Variants in KLF13 observed in about 807,000 individuals in gnomAD.
KLF13 encodes KLF transcription factor 13.
In KLF13, 8 loss-of-function variants were observed where a neutral mutation model predicts 16.7. The observed-to-expected ratio is 0.48, with a 90% CI of 0.28 to 0.87. The LOEUF is 0.87. Among genes scored for constraint, KLF13 ranks in the 40% least tolerant of loss-of-function variants. The pLI is 0.10. For missense variants in KLF13, 447 were observed against 452.2 expected, an observed-to-expected ratio of 0.99 and a Z score of 0.10; for synonymous variants, 245 against 208.4, an observed-to-expected ratio of 1.18 and a Z score of -1.51.
chr15:31,391,866 G>T (rs2039876182), upstream of KLF13, among the ~76,000 whole-genome samples: 1 of 152,142 alleles, frequency 6.6e-6, no homozygotes, highest in Admixed American at 6.5e-5. Flanking sequence ...TAAGTTCCTG[G>T]AATTCGTGAA....
intron 2 of KLF13, among the ~76,000 whole-genome samples, chr15:31,400,122 A>G (rs2040013026): frequency 6.6e-6 from 1 of 152,128 alleles, no homozygotes; most frequent in African/African-American, 2.4e-5. Context: ...CTGCCAGGAG[A>G]CGAGTCCTAC....
At chr15:31,395,387 C>CTA (rs2039940705) in intron 2 of KLF13, among the ~76,000 whole-genome samples, 1 of 152,200 alleles carries the variant, frequency 6.6e-6, no homozygotes, top group South Asian at 2.1e-4. Flanking sequence ...TCCTTAGCTG[C>CTA]TATGAATGCT....
intron 1 of KLF13, among the ~76,000 whole-genome samples, chr15:31,432,177 G>C (rs1443600287): frequency 4.6e-5 from 7 of 152,088 alleles, no homozygotes; most frequent in African/African-American, 1.7e-4. Context: ...TGCTGAAAAA[G>C]GAAGGTTGCT....
intron 2 of KLF13, among the ~76,000 whole-genome samples, chr15:31,402,993 T>C (rs1014265906): frequency 6.6e-6 from 1 of 151,374 alleles, no homozygotes; most frequent in Non-Finnish European, 1.5e-5. Context: ...GCCAGGTCCC[T>C]TGGGGCCCAG....
intron 1 of KLF13, among the ~76,000 whole-genome samples, chr15:31,329,159 G>A (rs2038780640): frequency 1.3e-5 from 2 of 151,898 alleles, no homozygotes; most frequent in Admixed American, 1.3e-4. Flanking sequence ...GGTGAGAGCG[G>A]GGCCATTTCT....
At chr15:31,413,206 A>AAAAAAAAAAAAC (rs1566843740) in intron 1 of KLF13, among the ~76,000 whole-genome samples, 65 of 145,414 alleles carry the variant, frequency 4.5e-4, no homozygotes, top group East Asian at 1.9e-3. Flanking sequence ...AAAAAAACAA[A>AAAAAAAAAAAAC]AAACAAAAAA....
At chr15:31,332,504 T>TC (rs1739215708) in intron 1 of KLF13, among the ~76,000 whole-genome samples, 1 of 151,252 alleles carries the variant, frequency 6.6e-6, no homozygotes, top group African/African-American at 2.5e-5. Context: ...CCATCTCCAC[T>TC]CCCCCCTTCC....
intron 1 of KLF13, among the ~76,000 whole-genome samples, chr15:31,423,101 G>GTATACGTATACGTATATATACGTATA (rs1442634772): frequency 2.6e-5 from 2 of 77,070 alleles, no homozygotes; most frequent in Non-Finnish European, 5.7e-5. Flanking sequence ...GTATATATAC[G>GTATACGTATACGTATATATACGTATA]TATACGTATA....
rs147936063 is a variant in KLF13, at chr15:31,363,242, G to A, written c.578-8768G>A. 1.4e-3 allele frequency among the ~76,000 whole-genome samples: 212 copies of A among 152,370 alleles called. 1 individual carries two copies. The highest frequency in any genetic ancestry group is 0.011 in the South Asian group (55 of 4,824). ...CTGCCATTAGCTCCTGATGGATGAG[G>A]TGGAGCATCTTTTCATGCATTTGAG... On this transcript the variant is annotated intron_variant, in intron 1 of 1. Coordinates refer to ENST00000307145, the MANE Select transcript of KLF13 (RefSeq NM_015995.4).
downstream of KLF13, among the ~76,000 whole-genome samples, chr15:31,381,510 T>G (rs1403104391): frequency 6.6e-6 from 1 of 152,162 alleles, no homozygotes; most frequent in African/African-American, 2.4e-5. Flanking sequence ...TGGCTGCACA[T>G]CAGGCTGCCC....
chr15:31,425,492 G>A (rs568347015), intron 1 of KLF13, among the ~76,000 whole-genome samples: 41 of 152,198 alleles, frequency 2.7e-4, no homozygotes, highest in Non-Finnish European at 4.4e-4. Flanking sequence ...GTCAAATGAT[G>A]TTTGAGGAAG....
At chr15:31,394,295 T>C (rs2039921556) in intron 2 of KLF13, among the ~76,000 whole-genome samples, 1 of 151,480 alleles carries the variant, frequency 6.6e-6, no homozygotes, top group Admixed American at 6.6e-5. Flanking sequence ...GCTAACACGG[T>C]GAAACCCCGT....
intron 1 of KLF13, among the ~76,000 whole-genome samples, chr15:31,344,397 G>A (rs2039079307): frequency 6.6e-6 from 1 of 152,264 alleles, no homozygotes; most frequent in African/African-American, 2.4e-5. Context: ...GTGTCTGGCT[G>A]GCAAGGGCTC....
intron 1 of KLF13, among the ~76,000 whole-genome samples, chr15:31,410,599 ACACACACACACACACAC>A (rs1274620232): frequency 5.3e-5 from 2 of 37,864 alleles, no homozygotes; most frequent in Non-Finnish European, 2.1e-4. Context: ...ACACACACAC[ACACACACACACACACAC>A]ACACACACAC....
chr15:31,427,298 T>C (rs1356057715), intron 1 of KLF13, among the ~76,000 whole-genome samples: 2 of 151,804 alleles, frequency 1.3e-5, no homozygotes, highest in African/African-American at 2.4e-5. Flanking sequence ...GAAATACTGC[T>C]TCACACCCCT....
chr15:31,330,965 G>C (rs534843394), intron 1 of KLF13, among the ~76,000 whole-genome samples: 14 of 152,328 alleles, frequency 9.2e-5, no homozygotes, highest in African/African-American at 3.4e-4. Context: ...GATAGGTCAG[G>C]CTGGGGCCCT....
intron 1 of KLF13, among the ~76,000 whole-genome samples, chr15:31,365,738 C>T (rs539039389): frequency 3.3e-5 from 5 of 152,120 alleles, no homozygotes; most frequent in South Asian, 2.1e-4. Context: ...TGCCACAGCC[C>T]GAGTCTGAGC....
intron 1 of KLF13, chr15:31,420,385 C>T: frequency 1.7e-6 from 2 of 1,143,816 alleles, no homozygotes; most frequent in Admixed American, 1.8e-5. Context: ...TAGAGTTCCC[C>T]AGTGGCTACC....
intron 1 of KLF13, among the ~76,000 whole-genome samples, chr15:31,357,748 T>G (rs1006160776): frequency 6.6e-6 from 1 of 152,046 alleles, no homozygotes; most frequent in African/African-American, 2.4e-5. Flanking sequence ...ATCTGTAAGG[T>G]GAGGAAAGAC....
Sources: allele counts gnomAD v4.1 joint callset (sites outside exome capture counted in the v4.1 genomes callset), GRCh38; gene constraint gnomAD v4.1.1; transcripts MANE v1.5; gene names NCBI Gene and HGNC (gene_info 2026-07-23, HGNC 2026-07-21).